Variants in HELB observed in about 807,000 individuals in gnomAD.
HELB encodes the protein DNA 5'-3' helicase B.
In HELB, 96 loss-of-function variants were observed where a neutral mutation model predicts 101.7. The observed-to-expected ratio is 0.94, with a 90% CI of 0.80 to 1.12. The LOEUF (loss-of-function observed/expected upper bound fraction) is 1.12, where lower values mean the gene tolerates loss of function less well. Ranked by LOEUF, HELB falls within the 50% of genes most tolerant of loss-of-function variation. The pLI, the probability that HELB is intolerant of heterozygous loss-of-function variation, is 0.00. For missense variants in HELB, 1,210 were observed against 1,291.9 expected, an observed-to-expected ratio of 0.94 and a Z score of 0.97; for synonymous variants, 437 against 459.7, an observed-to-expected ratio of 0.95 and a Z score of 0.63.
intron 2 of HELB, 85 bp downstream of exon 2, chr12:66,305,235 A>T (rs1454877819): frequency 2.4e-6 from 2 of 848,900 alleles, no homozygotes; most frequent in South Asian, 3.6e-5. Context: ...CTAGCATAGT[A>T]TTCTTTTTAA....
chr12:66,336,760 T>C (rs73329083), intron 12 of HELB, among the ~76,000 whole-genome samples: 5,071 of 152,246 alleles, frequency 0.033, 302 homozygotes, highest in African/African-American at 0.11. Context: ...GAGGATGGGC[T>C]GCAGACACAG....
Position 66,304,878 on chromosome 12 carries a change from A to G in HELB, c.335A>G (p.Tyr112Cys), listed in dbSNP as rs551475760. Residue 112 changes from tyrosine to cysteine, a missense_variant, in exon 2 of 13, where the codon TAC (tyrosine) becomes TGC (cysteine). By Grantham distance (194) the Tyr-to-Cys change is radical. Around this residue, in one of 2 missense-constraint regions of HELB, gnomAD observed 470 missense variants for 563.1 expected, o/e 0.83. Coordinates refer to ENST00000247815, the MANE Select transcript of HELB (RefSeq NM_001370285.1). ...YQYQVQGFPSYFLQSDMSPPN... is the reference protein window; with the variant it reads ...YQYQVQGFPSCFLQSDMSPPN... ...TATCAAGTTCAAGGATTTCCGTCTT[A>G]CTTTTTGCAGTCTGATATGTCACCA... 2.3e-4 allele frequency: 379 copies of G among 1,614,172 alleles called. 6 individuals are homozygous for G. The South Asian group carries it at 3.8e-3, about 16-fold the overall frequency.
At chr12:66,325,396 G>A (rs1467964467) in intron 11 of HELB, among the ~76,000 whole-genome samples, 1 of 152,142 alleles carries the variant, frequency 6.6e-6, no homozygotes. Flanking sequence ...GGCTTGGCAT[G>A]GCACTGTACT....
chr12:66,326,728 T>C (rs1328474588), intron 11 of HELB, among the ~76,000 whole-genome samples: 1 of 151,798 alleles, frequency 6.6e-6, no homozygotes. Flanking sequence ...CAGCTGATTT[T>C]TTTTTTTTAA....
At chr12:66,324,923 C>A (rs1331834814) in intron 10 of HELB, 60 bp from the exon 11 acceptor site, 1 of 1,590,106 alleles carries the variant, frequency 6.3e-7, no homozygotes, top group South Asian at 1.1e-5. Context: ...TATCTTTGAA[C>A]GTATTTGAAC....
At chr12:66,312,174 G>T (rs1467292254) in intron 4 of HELB, among the ~76,000 whole-genome samples, 1 of 149,234 alleles carries the variant, frequency 6.7e-6, no homozygotes, top group African/African-American at 2.4e-5. Flanking sequence ...GCCAGTTGAA[G>T]TGTGGGGATG....
intron 4 of HELB, 85 bp downstream of exon 4, chr12:66,310,693 G>T: frequency 8.0e-7 from 1 of 1,252,688 alleles, no homozygotes; most frequent in East Asian, 2.3e-5. Context: ...GAACTTTTGG[G>T]AGACTGAGGC....
At chr12:66,328,313 G>A (rs973027914) in intron 11 of HELB, among the ~76,000 whole-genome samples, 2 of 152,176 alleles carry the variant, frequency 1.3e-5, no homozygotes, top group Admixed American at 1.3e-4. Context: ...TGTAATCCCA[G>A]TACTTTGGGA....
At chr12:66,316,927 G>A (rs1361899829) in intron 6 of HELB, among the ~76,000 whole-genome samples, 1 of 151,356 alleles carries the variant, frequency 6.6e-6, no homozygotes, top group Non-Finnish European at 1.5e-5. Flanking sequence ...GCTGAGGCAG[G>A]AGAATGGCAT....
Position 66,310,039 on chromosome 12 carries a change from A to G in HELB, c.1111A>G (p.Met371Val). Reference sequence around the variant, plus strand: ...CATCGCCTTTTCAATTTGTGACCTGATGAAGAAACCTCCTTGGCATTTATG... The same window carrying G: ...CATCGCCTTTTCAATTTGTGACCTGGTGAAGAAACCTCCTTGGCATTTATG... ...RAIAFSICDL[M>V]KKPPWHLCVD... The change falls in exon 4 of 13, where the codon ATG (methionine) becomes GTG (valine). Residue 371 changes from methionine to valine, a missense_variant. By Grantham distance (21) the Met-to-Val change is conservative (BLOSUM62 1). Coordinates refer to ENST00000247815, the MANE Select transcript of HELB (RefSeq NM_001370285.1). The G allele has an allele frequency of 6.2e-7, 1 of 1,614,192 alleles. No homozygotes were observed. The highest frequency in any genetic ancestry group is 8.5e-7 in the Non-Finnish European group (1 of 1,180,044).
intron 11 of HELB, among the ~76,000 whole-genome samples, chr12:66,327,802 T>A (rs938222706): frequency 6.6e-6 from 1 of 151,910 alleles, no homozygotes; most frequent in African/African-American, 2.4e-5. Flanking sequence ...ATAAAAAAAA[T>A]AAAAACAAGA....
In HELB at chr12:66,310,297, G is replaced by T. The variant is rs954431500; in HGVS notation, c.1369G>T (p.Asp457Tyr). ...QDQVEVPLDR[D>Y]QVAALEMICS... ...TCAGGTTGAAGTTCCACTGGATCGG[G>T]ATCAGGTGGCTGCTTTGGAAATGAT... The change falls in exon 4 of 13, where the codon GAT becomes TAT. Residue 457 changes from aspartate to tyrosine, a missense_variant. Transcript: ENST00000247815. 1.2e-6 allele frequency: 2 copies of T among 1,614,042 alleles called. No homozygotes were observed. The highest frequency in any genetic ancestry group is 3.3e-5 in the Admixed American group (2 of 60,002).
At chr12:66,326,520 C>T (rs1389971085) in intron 11 of HELB, among the ~76,000 whole-genome samples, 1 of 151,912 alleles carries the variant, frequency 6.6e-6, no homozygotes, top group Non-Finnish European at 1.5e-5. Flanking sequence ...GGATTACAGG[C>T]CTGAGCCACT....
At chr12:66,318,505 A>C (rs1018811707) in intron 6 of HELB, 133 bp from the exon 7 acceptor site, 7 of 731,814 alleles carry the variant, frequency 9.6e-6, no homozygotes, top group Non-Finnish European at 1.5e-5. Context: ...TTTATAATGC[A>C]TACCTGGATG....
downstream of HELB, chr12:66,338,670 A>C (rs2053892917): frequency 6.6e-6 from 1 of 151,538 alleles, no homozygotes; most frequent in South Asian, 2.1e-4. Flanking sequence ...ACAAACAAAC[A>C]AAAAAAAACA....
At chr12:66,303,777 C>T (rs2053438426) in intron 1 of HELB, among the ~76,000 whole-genome samples, 1 of 152,144 alleles carries the variant, frequency 6.6e-6, no homozygotes, top group Non-Finnish European at 1.5e-5. Context: ...AGGTAGTTTC[C>T]TGTGCTATAA....
chr12:66,325,572 T>C (rs544455011), intron 11 of HELB, among the ~76,000 whole-genome samples: 1 of 152,308 alleles, frequency 6.6e-6, no homozygotes, highest in African/African-American at 2.4e-5. Context: ...CTCACTTGCC[T>C]TGCCCTAGTC....
At chr12:66,314,229 C>A in intron 5 of HELB, 66 bp downstream of exon 5, 1 of 1,403,128 alleles carries the variant, frequency 7.1e-7, no homozygotes, top group South Asian at 1.3e-5. Context: ...TGGTTGTTTA[C>A]ACCATTTAGT....
chr12:66,316,537 A>G (rs912200801), intron 6 of HELB, among the ~76,000 whole-genome samples: 3 of 151,126 alleles, frequency 2.0e-5, no homozygotes, highest in Admixed American at 6.6e-5. Flanking sequence ...CACGTAAAAT[A>G]CACTAACACT....
Sources: allele counts gnomAD v4.1 joint callset (sites outside exome capture counted in the v4.1 genomes callset), GRCh38; gene constraint gnomAD v4.1.1; regional missense constraint gnomAD v4.1.1; transcripts MANE v1.5; gene names NCBI Gene and HGNC (gene_info 2026-07-23, HGNC 2026-07-21).